The following CLSTN2 variants were observed in gnomAD, a reference collection of about 807,000 sequenced individuals.
CLSTN2 encodes calsyntenin 2.
CLSTN2 carries 48 observed loss-of-function variants against 101.2 expected under a neutral mutation model. The ratio of observed to expected loss-of-function variants is 0.47; its 90% CI spans 0.38 to 0.60. CLSTN2 has a LOEUF of 0.60. Among genes scored for constraint, CLSTN2 ranks in the 20% least tolerant of loss-of-function variants. The pLI is 0.00. For synonymous variants in CLSTN2, 481 were observed against 463.6 expected (o/e 1.04, Z -0.48); for missense variants, 1,160 against 1,238.2 (o/e 0.94, Z 0.95).
intron 1 of CLSTN2, among the ~76,000 whole-genome samples, chr3:140,160,976 A>G (rs2010036867): frequency 1.3e-5 from 2 of 152,168 alleles, no homozygotes; most frequent in Non-Finnish European, 2.9e-5. Context: ...TGCTCAGATA[A>G]TAACAAGCAG....
rs1559797097 is a variant in CLSTN2, at chr3:140,171,638, T to TAA, written c.110-4313_110-4312insAA. Among the ~76,000 whole-genome samples the TAA allele has an allele frequency of 5.1e-4, 60 of 117,644 alleles. No homozygotes were observed. The East Asian group carries it at 0.012, about 24-fold the overall frequency. The allele number at this position is 117,644 out of a possible 152,430, so 77.2% of individuals were successfully genotyped here. On this transcript the variant is annotated intron_variant, in intron 1 of 16. Transcript: ENST00000458420. ...TATATTATATAATATGTATTATATA[T>TAA]TATATATAATACGTATTATATATTA...
chr3:140,203,461 GTTTT>G (rs58182333), intron 2 of CLSTN2, among the ~76,000 whole-genome samples: 914 of 67,922 alleles, frequency 0.013, 15 homozygotes, highest in African/African-American at 0.045. Context: ...GAAAGTGTGG[GTTTT>G]TTTTTTTTTT....
chr3:140,466,737 G>A lies in CLSTN2; in HGVS notation c.1344+6G>A. The A allele has an allele frequency of 6.2e-7, 1 of 1,613,846 alleles. No homozygotes were observed. On this transcript the variant is annotated splice_donor_region_variant and intron_variant, in intron 8 of 16. Transcript: ENST00000458420. ...TCCACTGGAAGCTGGATCAGGTATG[G>A]TGCTCACCTCACACCTGCTGCTACT...
At position 140,573,644 on chromosome 3, in the gene CLSTN2, G is replaced by C. The variant is rs370359358; in HGVS notation, c.*7391G>C. On this transcript the variant is annotated 3_prime_UTR_variant, in exon 17 of 17. Coordinates refer to ENST00000458420, the MANE Select transcript of CLSTN2 (RefSeq NM_022131.3). ...CTCATACAAGGGGTTTTGAGATGGA[G>C]AGTCAGAGGGCCAGGGCCCTGGGCT... 1 of 152,272 alleles carries C rather than the reference G, an allele frequency of 6.6e-6. No homozygotes were observed. The highest frequency in any genetic ancestry group is 1.5e-5 in the Non-Finnish European group (1 of 68,098). 9.4% of individuals were successfully genotyped at this position (152,272 alleles called of 1,614,324 possible).
chr3:140,557,246 C>G (rs1935815901), intron 11 of CLSTN2, among the ~76,000 whole-genome samples: 1 of 152,072 alleles, frequency 6.6e-6, no homozygotes, highest in African/African-American at 2.4e-5. Flanking sequence ...CCAGAAAATT[C>G]CTGGAAGGTA....
At chr3:140,209,611 G>A (rs571462104) in intron 2 of CLSTN2, among the ~76,000 whole-genome samples, 15 of 152,020 alleles carry the variant, frequency 9.9e-5, no homozygotes, top group African/African-American at 3.1e-4. Flanking sequence ...GCTTTTTAAG[G>A]CTCTGTTGAA....
chr3:139,938,909 C>A (rs926763478), intron 1 of CLSTN2, among the ~76,000 whole-genome samples: 1 of 151,978 alleles, frequency 6.6e-6, no homozygotes, highest in African/African-American at 2.4e-5. Context: ...TAGCAGAGGA[C>A]CACCCTCCAC....
rs545720379 is a variant in CLSTN2, at chr3:140,398,047, T to C, written c.233-5582T>C. ...TGACAGCAAATACTCTCAGTTCTTT[T>C]TCTTGGTGGGACAGGCTTACTTCCA... On this transcript the variant is annotated intron_variant, in intron 2 of 16. Coordinates refer to ENST00000458420, the MANE Select transcript of CLSTN2 (RefSeq NM_022131.3). Among the ~76,000 whole-genome samples, 54 of 152,292 alleles carry C rather than the reference T, an allele frequency of 3.5e-4. 1 individual carries two copies. In the South Asian group the frequency reaches 0.01, roughly 29 times the overall value.
At chr3:139,967,450 C>T (rs1334195355) in intron 1 of CLSTN2, among the ~76,000 whole-genome samples, 1 of 152,206 alleles carries the variant, frequency 6.6e-6, no homozygotes, top group East Asian at 1.9e-4. Context: ...ACCTCAGCAA[C>T]ACCCATGCCT....
chr3:140,229,047 C>T (rs1385315592), intron 2 of CLSTN2, among the ~76,000 whole-genome samples: 1 of 152,128 alleles, frequency 6.6e-6, no homozygotes, highest in Non-Finnish European at 1.5e-5. Flanking sequence ...AGAGATTCTC[C>T]TGGTCTTCCC....
chr3:140,209,330 G>A (rs2010825849), intron 2 of CLSTN2, among the ~76,000 whole-genome samples: 1 of 152,150 alleles, frequency 6.6e-6, no homozygotes, highest in Admixed American at 6.5e-5. Flanking sequence ...AGGAATGAAT[G>A]GACTCTGATC....
At chr3:140,022,689 G>A (rs1011382979) in intron 1 of CLSTN2, among the ~76,000 whole-genome samples, 3 of 152,210 alleles carry the variant, frequency 2.0e-5, no homozygotes, top group African/African-American at 7.2e-5. Flanking sequence ...AGAATGGGAT[G>A]GAGGTGGGGG....
At chr3:140,409,863 C>T (rs549440011) in intron 4 of CLSTN2, among the ~76,000 whole-genome samples, 45 of 151,960 alleles carry the variant, frequency 3.0e-4, no homozygotes, top group African/African-American at 1.0e-3. Context: ...ATAAAAAGAA[C>T]CAAACAAATT....
intron 1 of CLSTN2, among the ~76,000 whole-genome samples, chr3:140,078,222 C>T (rs1330268898): frequency 6.6e-6 from 1 of 152,148 alleles, no homozygotes; most frequent in African/African-American, 2.4e-5. Flanking sequence ...AATCCTTAAC[C>T]TTTCATTGGT....
rs756919661 is a variant in CLSTN2 at position 140,466,751 on chromosome 3, C to T, written c.1344+20C>T. On this transcript the variant is annotated intron_variant, in intron 8 of 16. Transcript: ENST00000458420. ...GATCAGGTATGGTGCTCACCTCACA[C>T]CTGCTGCTACTCATGCCTCTGCGGG... 6.2e-7 allele frequency: 1 copy of T among 1,613,638 alleles called. No homozygotes were observed. Among genetic ancestry groups the T allele is most frequent in the South Asian group, 1.1e-5 (1 of 91,048 alleles).
chr3:140,139,751 C>T (rs1233437135), intron 1 of CLSTN2, among the ~76,000 whole-genome samples: 3 of 152,238 alleles, frequency 2.0e-5, no homozygotes, highest in African/African-American at 7.2e-5. Context: ...TGTGTAACAG[C>T]AACCACTCAC....
At chr3:139,973,493 C>G (rs1560058437) in intron 1 of CLSTN2, among the ~76,000 whole-genome samples, 1 of 152,052 alleles carries the variant, frequency 6.6e-6, no homozygotes, top group African/African-American at 2.4e-5. Flanking sequence ...AGGACTTGTC[C>G]TCAAGAACAA....
intron 1 of CLSTN2, among the ~76,000 whole-genome samples, chr3:140,123,776 A>G (rs544787664): frequency 1.3e-5 from 2 of 151,942 alleles, no homozygotes; most frequent in Non-Finnish European, 2.9e-5. Flanking sequence ...TCCTCAGTGC[A>G]TTCACATGAG....
chr3:139,946,567 A>T (rs936971787), intron 1 of CLSTN2, among the ~76,000 whole-genome samples: 2 of 152,182 alleles, frequency 1.3e-5, no homozygotes, highest in African/African-American at 4.8e-5. Context: ...AGAAACAAGG[A>T]TCTGCAGGGA....
Sources: gnomAD v4.1 joint callset for allele counts (sites outside exome capture counted in the v4.1 genomes callset) on GRCh38, gnomAD v4.1.1 for gene constraint, MANE v1.5 for transcripts, NCBI Gene and HGNC (gene_info 2026-07-23, HGNC 2026-07-21) for gene names.